The following MANBA variants were observed in gnomAD, a reference collection of about 807,000 sequenced individuals.
The protein encoded by MANBA is beta-mannosidase.
A neutral mutation model predicts 111.1 loss-of-function variants in MANBA; 83 were observed. The ratio of observed to expected loss-of-function variants is 0.75; its 90% confidence interval spans 0.63 to 0.90. MANBA has a LOEUF of 0.90. Ranked by LOEUF, MANBA falls within the 40% of genes least tolerant of loss-of-function variation. The pLI is 0.00. For synonymous variants in MANBA, 370 were observed against 378.7 expected (o/e 0.98, Z 0.27); for missense variants, 1,036 against 1,069.0 (o/e 0.97, Z 0.43).
At chr4:102,713,219 T>C (rs2110271996) in intron 5 of MANBA, among the ~76,000 whole-genome samples, 1 of 152,314 alleles carries the variant, frequency 6.6e-6, no homozygotes, top group African/African-American at 2.4e-5. Context: ...CCACATTCTT[T>C]CTTACTGATT....
rs779980905 is a variant in MANBA, at chr4:102,674,067, A to C, written c.964T>G (p.Tyr322Asp). 9.4e-6 allele frequency: 15 copies of C among 1,597,106 alleles called. No homozygotes were observed. The South Asian group carries it at 1.7e-4, about 18-fold the overall frequency. ...TCTATAAGTTCCACTGTCCTAAAAT[A>C]AACCTGCAATGAACAGAATTAAATG... ...GLNIEKSAKV[Y>D]FRTVELIEEP... The change falls in exon 8 of 17, where the codon TAT becomes GAT. Residue 322 changes from tyrosine to aspartate, a missense_variant. Transcript: ENST00000647097.
intron 5 of MANBA, among the ~76,000 whole-genome samples, chr4:102,696,948 C>T (rs957763682): frequency 6.6e-6 from 1 of 152,126 alleles, no homozygotes; most frequent in African/African-American, 2.4e-5. Flanking sequence ...AAGAGCTAAC[C>T]ATTGCGTTAG....
intron 1 of MANBA, 66 bp from the exon 2 acceptor site, chr4:102,726,749 C>A: frequency 1.2e-6 from 1 of 833,244 alleles, no homozygotes. Context: ...ATAAAACAAA[C>A]ATAAAATAAA....
At chr4:102,655,232 C>T (rs1057287999) in intron 12 of MANBA, among the ~76,000 whole-genome samples, 1 of 151,920 alleles carries the variant, frequency 6.6e-6, no homozygotes, top group Non-Finnish European at 1.5e-5. Context: ...TACTAGATGG[C>T]AATACTCACA....
intron 7 of MANBA, among the ~76,000 whole-genome samples, chr4:102,688,416 C>CACAT (rs1362070135): frequency 2.3e-4 from 34 of 150,326 alleles, no homozygotes; most frequent in South Asian, 8.4e-4. Flanking sequence ...CACACACACA[C>CACAT]ATTCACAGTG....
At chr4:102,690,464 T>C (rs1732422118) in intron 6 of MANBA, 132 bp downstream of exon 6, 3 of 834,876 alleles carry the variant, frequency 3.6e-6, no homozygotes, top group East Asian at 2.8e-5. Context: ...GAGACTAAAA[T>C]AGAGAAGAAA....
intron 5 of MANBA, among the ~76,000 whole-genome samples, chr4:102,700,848 A>G (rs1474337530): frequency 3.3e-5 from 5 of 152,164 alleles, no homozygotes; most frequent in Admixed American, 2.0e-4. Context: ...GATATAGGGT[A>G]GAGAGTTCTG....
At chr4:102,654,168 A>G (rs1044707507) in intron 12 of MANBA, among the ~76,000 whole-genome samples, 1 of 152,020 alleles carries the variant, frequency 6.6e-6, no homozygotes, top group African/African-American at 2.4e-5. Context: ...GCAATTATTC[A>G]GTAAATATTC....
At chr4:102,714,077 C>A (rs1448044081) in intron 5 of MANBA, among the ~76,000 whole-genome samples, 1 of 151,982 alleles carries the variant, frequency 6.6e-6, no homozygotes, top group Non-Finnish European at 1.5e-5. Flanking sequence ...ACGGTGTGAG[C>A]AAAGCAAGAA....
rs76331056 is a variant in MANBA at position 102,730,720 on chromosome 4, G to C, written c.178-4037C>G. 2,520 of 527,478 alleles carry C rather than the reference G, an allele frequency of 4.8e-3. 52 individuals are homozygous for C. Among genetic ancestry groups the C allele is most frequent in the African/African-American group, 0.042 (2,194 of 51,850 alleles). The allele number at this position is 527,478 out of a possible 1,614,324, so 32.7% of individuals were successfully genotyped here. On this transcript the variant is annotated intron_variant, in intron 1 of 16. Transcript: ENST00000647097. ...GAACGCTCCTTCTGGATTCCCTACA[G>C]ATAGATGCTTCTTCAACTGTCAGGT...
In MANBA at chr4:102,752,244, G is replaced by A. The variant is rs555472219; in HGVS notation, c.177+8474C>T. On this transcript the variant is annotated intron_variant, in intron 1 of 16. Coordinates refer to ENST00000647097, the MANE Select transcript of MANBA (RefSeq NM_005908.4). Reference sequence around the variant, plus strand: ...AGAGTGTAGGATGTTGAGTCTGACAGTCTGAAGGCAAGCTTTGACAGGAAA... The same window carrying A: ...AGAGTGTAGGATGTTGAGTCTGACAATCTGAAGGCAAGCTTTGACAGGAAA... 76 of 1,069,260 alleles carry A rather than the reference G, an allele frequency of 7.1e-5. No individual in the cohort carries two copies. In the South Asian group the frequency reaches 9.4e-4, roughly 13 times the overall value. The allele number at this position is 1,069,260 out of a possible 1,614,324, so 66.2% of individuals were successfully genotyped here.
chr4:102,638,806 G>A (rs1729742537), intron 14 of MANBA, among the ~76,000 whole-genome samples: 1 of 152,038 alleles, frequency 6.6e-6, no homozygotes. Flanking sequence ...TCATCCATCT[G>A]GCACTAATGA....
chr4:102,657,240 T>G (rs868825896), intron 12 of MANBA, among the ~76,000 whole-genome samples: 2,807 of 38,232 alleles, frequency 0.073, 13 homozygotes, highest in Middle Eastern at 0.083. Context: ...GGGTGGGCGG[T>G]GGTAATGGAA....
intron 1 of MANBA, chr4:102,730,539 T>C (rs138368126): frequency 3.9e-5 from 21 of 532,264 alleles, no homozygotes; most frequent in Non-Finnish European, 6.4e-5. Context: ...GATTTTTCTA[T>C]GAGAAATAAG....
At chr4:102,639,041 G>A (rs1371589228) in intron 14 of MANBA, among the ~76,000 whole-genome samples, 1 of 152,160 alleles carries the variant, frequency 6.6e-6, no homozygotes, top group Non-Finnish European at 1.5e-5. Context: ...GAAGGGCAAA[G>A]ACTATTATTC....
At chr4:102,657,284 A>G (rs759299215) in intron 12 of MANBA, among the ~76,000 whole-genome samples, 1 of 151,668 alleles carries the variant, frequency 6.6e-6, no homozygotes, top group Non-Finnish European at 1.5e-5. Flanking sequence ...AGGTAAGATG[A>G]CAACATTAGA....
chr4:102,699,291 T>A (rs1578914425), intron 5 of MANBA, among the ~76,000 whole-genome samples: 2 of 150,466 alleles, frequency 1.3e-5, no homozygotes, highest in South Asian at 4.2e-4. Flanking sequence ...TATACAATCA[T>A]GTCGTCTGCA....
intron 7 of MANBA, among the ~76,000 whole-genome samples, chr4:102,687,226 T>C (rs1434909201): frequency 6.6e-6 from 1 of 152,160 alleles, no homozygotes; most frequent in Non-Finnish European, 1.5e-5. Context: ...TCAGATTTAT[T>C]TCCTCAGCAG....
intron 5 of MANBA, among the ~76,000 whole-genome samples, chr4:102,709,364 GA>G (rs1339812960): frequency 2.8e-5 from 3 of 108,564 alleles, no homozygotes; most frequent in Non-Finnish European, 5.6e-5. Context: ...GAAAAGAAAA[GA>G]AAAAGAAAGG....
Sources: allele counts gnomAD v4.1 joint callset (sites outside exome capture counted in the v4.1 genomes callset), GRCh38; gene constraint gnomAD v4.1.1; transcripts MANE v1.5; gene names NCBI Gene and HGNC (gene_info 2026-07-23, HGNC 2026-07-21).